Variants in PTPRD observed in about 807,000 individuals in gnomAD.
The protein encoded by PTPRD is protein tyrosine phosphatase receptor type D.
A neutral mutation model predicts 214.5 loss-of-function variants in PTPRD; 34 were observed. The observed-to-expected ratio is 0.16, with a 90% CI of 0.12 to 0.21. The LOEUF is 0.21. Ranked by LOEUF, PTPRD falls within the 10% of genes least tolerant of loss-of-function variation. The probability of loss-of-function intolerance (pLI) is 1.00; values close to 1 mark genes in which losing one functional copy is unlikely to be tolerated. For synonymous variants in PTPRD, 1,128 were observed against 845.7 expected, an observed-to-expected ratio of 1.33 and a Z score of -5.79; for missense variants, 2,545 against 2,398.7, an observed-to-expected ratio of 1.06 and a Z score of -1.27.
At chr9:10,159,429 C>A (rs941711427) in intron 3 of PTPRD, among the ~76,000 whole-genome samples, 1 of 150,852 alleles carries the variant, frequency 6.6e-6, no homozygotes, top group Admixed American at 6.6e-5. Context: ...CTGGAATAAA[C>A]AACTAATCTT....
At chr9:10,427,180 C>CAGCATATAAA (rs1250469631) in intron 2 of PTPRD, among the ~76,000 whole-genome samples, 3 of 151,966 alleles carry the variant, frequency 2.0e-5, no homozygotes, top group Non-Finnish European at 4.4e-5. Context: ...ACAGCTATGA[C>CAGCATATAAA]AGCATATAAA....
chr9:10,082,381 C>G (rs796349474), intron 3 of PTPRD, among the ~76,000 whole-genome samples: 10 of 152,182 alleles, frequency 6.6e-5, no homozygotes, highest in African/African-American at 2.4e-4. Flanking sequence ...GAGCAATCAT[C>G]CTACATAAGA....
chr9:9,855,208 T>C (rs1273316892), intron 5 of PTPRD, among the ~76,000 whole-genome samples: 1 of 152,140 alleles, frequency 6.6e-6, no homozygotes, highest in Non-Finnish European at 1.5e-5. Flanking sequence ...ACTTTTTAAC[T>C]TACAGCAGCT....
At chr9:9,162,928 G>T (rs2099893231) in intron 10 of PTPRD, among the ~76,000 whole-genome samples, 1 of 152,022 alleles carries the variant, frequency 6.6e-6, no homozygotes, top group African/African-American at 2.4e-5. Flanking sequence ...AACTTCTTGG[G>T]AACATTTGAT....
At chr9:8,898,682 C>T (rs10977342) in intron 11 of PTPRD, among the ~76,000 whole-genome samples, 55,697 of 151,776 alleles carry the variant, frequency 0.37, 10,554 homozygotes, top group South Asian at 0.47. Flanking sequence ...CTCAATGCAA[C>T]TTTTTTCAAA....
chr9:9,947,374 T>TA (rs2092767213), intron 4 of PTPRD, among the ~76,000 whole-genome samples: 2 of 50,934 alleles, frequency 3.9e-5, no homozygotes, highest in Admixed American at 4.2e-4. Context: ...TATATATATA[T>TA]TATATATATT....
At chr9:8,324,299 G>T (rs112544367) in intron 44 of PTPRD, among the ~76,000 whole-genome samples, 1 of 151,934 alleles carries the variant, frequency 6.6e-6, no homozygotes, top group Non-Finnish European at 1.5e-5. Flanking sequence ...GCTTCCCTGC[G>T]TCCACGTGTT....
chr9:10,107,179 G>T (rs982857271), intron 3 of PTPRD, among the ~76,000 whole-genome samples: 1 of 151,964 alleles, frequency 6.6e-6, no homozygotes, highest in Non-Finnish European at 1.5e-5. Flanking sequence ...AGTGGACTTG[G>T]CAGATGGAAA....
chr9:8,755,354 A>C (rs917264103), intron 11 of PTPRD, among the ~76,000 whole-genome samples: 2 of 152,064 alleles, frequency 1.3e-5, no homozygotes, highest in Admixed American at 1.3e-4. Context: ...ACATGGTGAA[A>C]CCCTGTCTCT....
intron 2 of PTPRD, among the ~76,000 whole-genome samples, chr9:10,530,097 GT>G (rs918126099): frequency 6.6e-5 from 10 of 152,106 alleles, no homozygotes; most frequent in Non-Finnish European, 1.0e-4. Flanking sequence ...AAATATTGCA[GT>G]GATTGACACC....
intron 45 of PTPRD, among the ~76,000 whole-genome samples, chr9:8,318,486 C>G (rs1463144987): frequency 1.3e-5 from 2 of 152,014 alleles, no homozygotes; most frequent in Non-Finnish European, 2.9e-5. Context: ...GAGAATCACT[C>G]ACAGTCATTT....
intron 12 of PTPRD, among the ~76,000 whole-genome samples, chr9:8,709,710 T>TA (rs1046979456): frequency 6.6e-6 from 1 of 151,842 alleles, no homozygotes; most frequent in Non-Finnish European, 1.5e-5. Flanking sequence ...TCTGTCAATA[T>TA]AAAAAAATTA....
intron 2 of PTPRD, among the ~76,000 whole-genome samples, chr9:10,403,916 G>T (rs1177988703): frequency 3.3e-5 from 5 of 151,744 alleles, no homozygotes; most frequent in East Asian, 2.0e-4. Context: ...ATACTATAAA[G>T]GTAGATACAT....
intron 2 of PTPRD, among the ~76,000 whole-genome samples, chr9:10,521,436 G>A (rs190372339): frequency 1.2e-3 from 186 of 152,242 alleles, no homozygotes; most frequent in Non-Finnish European, 1.7e-3. Context: ...AAGATGTAGC[G>A]AACATTTTTC....
At chr9:9,156,172 A>AT (rs1199139737) in intron 10 of PTPRD, among the ~76,000 whole-genome samples, 1 of 152,178 alleles carries the variant, frequency 6.6e-6, no homozygotes, top group Non-Finnish European at 1.5e-5. Context: ...GAGAAAAGCA[A>AT]TCTTTGTGCC....
At chr9:10,560,412 G>T (rs1424533134) in intron 2 of PTPRD, among the ~76,000 whole-genome samples, 1 of 151,824 alleles carries the variant, frequency 6.6e-6, no homozygotes, top group Non-Finnish European at 1.5e-5. Context: ...CAGTTGTGGG[G>T]TGGGGGGAGT....
intron 26 of PTPRD, among the ~76,000 whole-genome samples, chr9:8,495,593 G>C (rs533679193): frequency 1.3e-5 from 2 of 152,222 alleles, no homozygotes; most frequent in South Asian, 4.2e-4. Flanking sequence ...CAAACAAACA[G>C]AAAATGAAGT....
chr9:8,892,273 C>T (rs2098546299), intron 11 of PTPRD, among the ~76,000 whole-genome samples: 1 of 152,044 alleles, frequency 6.6e-6, no homozygotes, highest in Non-Finnish European at 1.5e-5. Context: ...AGGGAGTAGG[C>T]CATTTGTGCC....
chr9:8,717,125 AGT>A (rs1484896844), intron 12 of PTPRD, among the ~76,000 whole-genome samples: 1 of 152,172 alleles, frequency 6.6e-6, no homozygotes, highest in East Asian at 1.9e-4. Flanking sequence ...TGGGTGACAG[AGT>A]GTGTCACTGT....
Sources: gnomAD v4.1 joint callset for allele counts (sites outside exome capture counted in the v4.1 genomes callset) on GRCh38, gnomAD v4.1.1 for gene constraint, MANE v1.5 for transcripts, NCBI Gene and HGNC (gene_info 2026-07-23, HGNC 2026-07-21) for gene names.